The following ZNF599 variants were observed in gnomAD, a reference collection of about 807,000 sequenced individuals.
ZNF599 encodes zinc finger protein 599.
ZNF599 carries 10 observed loss-of-function variants against 11.7 expected under a neutral mutation model. The observed-to-expected ratio is 0.86, with a 90% CI of 0.53 to 1.45. The LOEUF (loss-of-function observed/expected upper bound fraction) is 1.45. Ranked by LOEUF, ZNF599 falls within the 40% of genes most tolerant of loss-of-function variation. The pLI is 0.00. For missense variants in ZNF599, 688 were observed against 713.6 expected (o/e 0.96, Z 0.41); for synonymous variants, 232 against 253.2 (o/e 0.92, Z 0.79).
chr19:34,796,247 C>T, the ZNF599 span, among the ~76,000 whole-genome samples: 1 of 152,002 alleles, frequency 6.6e-6, no homozygotes, highest in Admixed American at 6.6e-5. Flanking sequence ...ACAGGTATAC[C>T]CAACTAGTGA....
the ZNF599 span, among the ~76,000 whole-genome samples, chr19:34,796,188 C>T: frequency 2.0e-5 from 3 of 151,940 alleles, no homozygotes; most frequent in African/African-American, 7.3e-5. Context: ...TTGGTGTCCT[C>T]CTCTTGTGCC....
At chr19:34,761,008 G>C (rs1023437876) in intron 3 of ZNF599, among the ~76,000 whole-genome samples, 5 of 152,182 alleles carry the variant, frequency 3.3e-5, no homozygotes, top group Admixed American at 2.6e-4. Context: ...CTTTAAAAAG[G>C]AGAGTAGGAG....
chr19:34,789,940 G>A, the ZNF599 span, among the ~76,000 whole-genome samples: 1 of 152,148 alleles, frequency 6.6e-6, no homozygotes, highest in African/African-American at 2.4e-5. Flanking sequence ...CAAAGTCATG[G>A]AGCATGTCCT....
the ZNF599 span, among the ~76,000 whole-genome samples, chr19:34,784,239 A>G: frequency 6.6e-6 from 1 of 152,086 alleles, no homozygotes; most frequent in Admixed American, 6.5e-5. Flanking sequence ...TCACATGGCC[A>G]TCTTCTCCCT....
the ZNF599 span, among the ~76,000 whole-genome samples, chr19:34,800,047 T>C: frequency 3.9e-5 from 6 of 152,242 alleles, no homozygotes; most frequent in Non-Finnish European, 7.3e-5. Context: ...GATGTGCATC[T>C]TTACATATTT....
At chr19:34,765,533 A>T (rs1458197711) in intron 3 of ZNF599, 1 of 702,242 alleles carries the variant, frequency 1.4e-6, no homozygotes, top group Non-Finnish European at 2.6e-6. Context: ...GTTACATATT[A>T]ATAGTAGATG....
At chr19:34,776,789 T>G (rs572723928), upstream of ZNF599, among the ~76,000 whole-genome samples, 36 of 152,338 alleles carry the variant, frequency 2.4e-4, no homozygotes, top group Non-Finnish European at 4.1e-4. Context: ...AGAGCAGGGC[T>G]ACCCCATCGG....
At chr19:34,805,051 A>G in the ZNF599 span, among the ~76,000 whole-genome samples, 1 of 152,204 alleles carries the variant, frequency 6.6e-6, no homozygotes, top group Non-Finnish European at 1.5e-5. Flanking sequence ...TGGGCAACAT[A>G]TCTTCCTACT....
Position 34,758,244 on chromosome 19 carries a change from C to T in ZNF599, c.*790G>A, listed in dbSNP as rs1236570389. ...CTCACAGAAGCTAACGCTGTATTTC[C>T]CCTAGCAACAATCATTCAGCATTCA... is the stretch of plus-strand genomic sequence containing the variant. On this transcript the variant is annotated 3_prime_UTR_variant, in exon 4 of 4. Transcript: ENST00000329285. The T allele has an allele frequency of 6.6e-6, 1 of 152,148 alleles. No homozygotes were observed. The highest frequency in any genetic ancestry group is 2.4e-5 in the African/African-American group (1 of 41,416). The allele number at this position is 152,148 out of a possible 1,614,324, so 9.4% of individuals were successfully genotyped here.
the ZNF599 span, among the ~76,000 whole-genome samples, chr19:34,802,218 A>G: frequency 6.6e-6 from 1 of 152,192 alleles, no homozygotes; most frequent in Non-Finnish European, 1.5e-5. Flanking sequence ...TGTTTTCAGG[A>G]GGAGAGAGTT....
chr19:34,770,116 G>A (rs1472617906), intron 1 of ZNF599, among the ~76,000 whole-genome samples: 1 of 152,220 alleles, frequency 6.6e-6, no homozygotes, highest in Non-Finnish European at 1.5e-5. Flanking sequence ...ATGAGAAAAT[G>A]TTCATAAAGC....
chr19:34,782,663 G>C, the ZNF599 span, among the ~76,000 whole-genome samples: 3 of 152,214 alleles, frequency 2.0e-5, no homozygotes, highest in Admixed American at 2.0e-4. Flanking sequence ...TGCTCCAGCT[G>C]TGAGGACAGA....
At chr19:34,765,556 G>A in intron 3 of ZNF599, 4 of 702,900 alleles carry the variant, frequency 5.7e-6, no homozygotes, top group Non-Finnish European at 1.0e-5. Flanking sequence ...TAATACACCT[G>A]AGAAGGCAGA....
chr19:34,761,086 C>G (rs2069110483), intron 3 of ZNF599, among the ~76,000 whole-genome samples: 1 of 152,060 alleles, frequency 6.6e-6, no homozygotes, highest in Non-Finnish European at 1.5e-5. Context: ...GGCTGAAAGT[C>G]TTGAGAGAAT....
At chr19:34,769,642 GA>G in intron 1 of ZNF599, 87 bp from the exon 2 acceptor site, 1 of 1,517,306 alleles carries the variant, frequency 6.6e-7, no homozygotes, top group Non-Finnish European at 8.9e-7. Context: ...AAAGGGTCCA[GA>G]GACCCTGAAC....
the ZNF599 span, among the ~76,000 whole-genome samples, chr19:34,779,058 C>T: frequency 6.6e-6 from 1 of 152,076 alleles, no homozygotes; most frequent in Non-Finnish European, 1.5e-5. Context: ...CTGGAACTCA[C>T]CAACACTGCT....
rs1044088624 is a variant in ZNF599, at chr19:34,758,951, T to C, written c.*83A>G. On this transcript the variant is annotated 3_prime_UTR_variant, in exon 4 of 4. Transcript: ENST00000329285. Reference sequence around the variant, plus strand: ...TCTCTGGCCAAAATATTTCCCTCAATAGTTATACTCAAAAGGAAAGGTATG... The same window carrying C: ...TCTCTGGCCAAAATATTTCCCTCAACAGTTATACTCAAAAGGAAAGGTATG... 9 of 1,394,874 alleles carry C rather than the reference T, an allele frequency of 6.5e-6. No individual in the cohort carries two copies. The highest frequency in any genetic ancestry group is 7.8e-6 in the Non-Finnish European group (8 of 1,023,952). The allele number at this position is 1,394,874 out of a possible 1,614,324, so 86.4% of individuals were successfully genotyped here. A position where few individuals can be genotyped will look rare whatever the true frequency, so the allele number is the denominator to read the frequency against.
chr19:34,799,202 C>T, the ZNF599 span, among the ~76,000 whole-genome samples: 1 of 152,012 alleles, frequency 6.6e-6, no homozygotes, highest in Non-Finnish European at 1.5e-5. Context: ...GGGGTTTTGC[C>T]GTGTTGCCCA....
the ZNF599 span, among the ~76,000 whole-genome samples, chr19:34,803,148 A>G: frequency 6.6e-6 from 1 of 152,182 alleles, no homozygotes; most frequent in African/African-American, 2.4e-5. Flanking sequence ...TCCCCTTCCC[A>G]GTAAGCCTTT....
Sources: allele counts gnomAD v4.1 joint callset (sites outside exome capture counted in the v4.1 genomes callset), GRCh38; gene constraint gnomAD v4.1.1; transcripts MANE v1.5; gene names NCBI Gene and HGNC (gene_info 2026-07-23, HGNC 2026-07-21).